ERBB4: variants seen among roughly 807,000 people sequenced by gnomAD.
ERBB4 encodes receptor tyrosine-protein kinase erbB-4.
ERBB4 carries 42 observed loss-of-function variants against 158.0 expected under a neutral mutation model. The observed-to-expected ratio is 0.27, with a 90% CI of 0.21 to 0.34. The LOEUF (loss-of-function observed/expected upper bound fraction) is 0.34. ERBB4 is among the 10% of genes least tolerant of loss of function. ERBB4 has a pLI of 1.00. For missense variants in ERBB4, 1,333 were observed against 1,624.1 expected (o/e 0.82, Z 3.08); for synonymous variants, 583 against 558.7 (o/e 1.04, Z -0.61).
chr2:211,503,876 T>C (rs377007639), intron 20 of ERBB4, among the ~76,000 whole-genome samples: 69 of 152,250 alleles, frequency 4.5e-4, no homozygotes, highest in African/African-American at 1.6e-3. Context: ...TGCTTGCACA[T>C]GCCTTAGAGA....
chr2:211,888,009 A>G (rs2078849171), intron 3 of ERBB4, among the ~76,000 whole-genome samples: 1 of 152,228 alleles, frequency 6.6e-6, no homozygotes, highest in Non-Finnish European at 1.5e-5. Flanking sequence ...TATAACCATC[A>G]TATAAATAAA....
At chr2:211,703,541 C>T (rs1355517201) in intron 11 of ERBB4, among the ~76,000 whole-genome samples, 2 of 152,166 alleles carry the variant, frequency 1.3e-5, no homozygotes, top group Non-Finnish European at 2.9e-5. Context: ...ATACAGATGA[C>T]ATCAGAGAAA....
intron 3 of ERBB4, among the ~76,000 whole-genome samples, chr2:211,897,217 C>T (rs2079120667): frequency 6.6e-6 from 1 of 151,780 alleles, no homozygotes; most frequent in African/African-American, 2.4e-5. Context: ...TACACCCACG[C>T]ATGCAACTGT....
At chr2:211,733,637 GACA>G (rs1288316099) in intron 5 of ERBB4, among the ~76,000 whole-genome samples, 1 of 149,898 alleles carries the variant, frequency 6.7e-6, no homozygotes, top group Admixed American at 6.6e-5. Flanking sequence ...CATTATAACA[GACA>G]TCTCCACATC....
At chr2:212,274,256 A>G (rs1281603640) in intron 1 of ERBB4, among the ~76,000 whole-genome samples, 4 of 151,818 alleles carry the variant, frequency 2.6e-5, no homozygotes, top group Non-Finnish European at 5.9e-5. Context: ...TTTTCTTGTA[A>G]TGTTAAGACA....
intron 1 of ERBB4, among the ~76,000 whole-genome samples, chr2:212,296,414 T>C (rs981235517): frequency 2.0e-5 from 3 of 151,932 alleles, no homozygotes; most frequent in African/African-American, 7.2e-5. Context: ...AAAAAAGACA[T>C]TGACATATTC....
chr2:211,579,289 C>G (rs2067986352), intron 19 of ERBB4, among the ~76,000 whole-genome samples: 1 of 152,010 alleles, frequency 6.6e-6, no homozygotes, highest in Non-Finnish European at 1.5e-5. Flanking sequence ...CTTAAAAAGT[C>G]AAGAAACAAT....
At chr2:211,768,896 TTC>T (rs2075623489) in intron 4 of ERBB4, among the ~76,000 whole-genome samples, 1 of 152,232 alleles carries the variant, frequency 6.6e-6, no homozygotes, top group African/African-American at 2.4e-5. Flanking sequence ...CAGCTTGAAT[TTC>T]TCATCAGAAA....
chr2:211,767,658 G>A (rs2075584495), intron 4 of ERBB4, among the ~76,000 whole-genome samples: 1 of 152,170 alleles, frequency 6.6e-6, no homozygotes. Flanking sequence ...AGAATGAGCA[G>A]AAGGAGAAAA....
At chr2:211,778,440 C>G (rs777165583) in intron 4 of ERBB4, 2 of 152,078 alleles carry the variant, frequency 1.3e-5, no homozygotes, top group African/African-American at 4.8e-5. Flanking sequence ...TTATTGTTAC[C>G]GCCCACACAT....
Position 211,977,208 on chromosome 2 carries a change from T to C in ERBB4, c.235-29592A>G, listed in dbSNP as rs560267007. On this transcript the variant is annotated intron_variant, in intron 2 of 27. Transcript: ENST00000342788. ...AACTTTTCTGAGGTGGATAGAGAAA[T>C]TGAGCCTTCATAACATGATTTGCAC... Among the ~76,000 whole-genome samples, 4 of 152,206 alleles carry C rather than the reference T, an allele frequency of 2.6e-5. No homozygotes were observed. The South Asian group carries it at 8.3e-4, about 32-fold the overall frequency.
chr2:211,489,947 A>G (rs12052273), intron 20 of ERBB4, among the ~76,000 whole-genome samples: 50,673 of 151,866 alleles, frequency 0.33, 8,994 homozygotes, highest in African/African-American at 0.44. Flanking sequence ...CTATCTGGCT[A>G]CTATAGCTTG....
chr2:212,329,565 T>G (rs1574696583), intron 1 of ERBB4, among the ~76,000 whole-genome samples: 2 of 152,046 alleles, frequency 1.3e-5, no homozygotes, highest in African/African-American at 4.8e-5. Flanking sequence ...CCTGGCTATA[T>G]GAGAATCAAA....
At chr2:212,319,645 ATATAAG>A (rs1424272195) in intron 1 of ERBB4, among the ~76,000 whole-genome samples, 6 of 150,414 alleles carry the variant, frequency 4.0e-5, no homozygotes, top group East Asian at 2.0e-4. Flanking sequence ...TTTGAATTGC[ATATAAG>A]TATATTTTTA....
chr2:211,382,351 A>C lies in ERBB4; in HGVS notation c.*1264T>G. 4.3e-6 allele frequency: 1 copy of C among 232,612 alleles called. No homozygotes were observed. Among genetic ancestry groups the C allele is most frequent in the Non-Finnish European group, 8.5e-6 (1 of 117,568 alleles). The allele number at this position is 232,612 out of a possible 1,614,324, so 14.4% of individuals were successfully genotyped here. A position where few individuals can be genotyped will look rare whatever the true frequency, so the allele number is the denominator to read the frequency against. ...AGATAATGTGCTGGCCTCTCATCAT[A>C]GTCCCTGGATACCGTTGCAAGGTTC... On this transcript the variant is annotated 3_prime_UTR_variant, in exon 28 of 28. Transcript: ENST00000342788.
intron 1 of ERBB4, among the ~76,000 whole-genome samples, chr2:212,337,919 A>G (rs2088521944): frequency 6.6e-6 from 1 of 152,060 alleles, no homozygotes; most frequent in African/African-American, 2.4e-5. Flanking sequence ...AACTTAACTC[A>G]TAAATCTTCT....
intron 22 of ERBB4, among the ~76,000 whole-genome samples, chr2:211,428,044 G>A (rs1397791759): frequency 2.0e-5 from 3 of 151,578 alleles, no homozygotes; most frequent in East Asian, 3.9e-4. Flanking sequence ...ATCACACATC[G>A]GGGCCTGTCG....
At chr2:212,028,376 C>T (rs1348584385) in intron 2 of ERBB4, among the ~76,000 whole-genome samples, 4 of 152,190 alleles carry the variant, frequency 2.6e-5, no homozygotes, top group African/African-American at 9.6e-5. Context: ...TGTAAATGTC[C>T]CCGCCTGGCA....
At chr2:211,422,246 G>C in intron 23 of ERBB4, 142 bp from the exon 24 acceptor site, 245 of 565,032 alleles carry the variant, frequency 4.3e-4, no homozygotes, top group East Asian at 6.7e-4. Flanking sequence ...GCTAGTGAAA[G>C]AAACGACTCA....
Sources: allele counts gnomAD v4.1 joint callset (sites outside exome capture counted in the v4.1 genomes callset), GRCh38; gene constraint gnomAD v4.1.1; transcripts MANE v1.5; gene names NCBI Gene and HGNC (gene_info 2026-07-23, HGNC 2026-07-21).